Variants in RBMS3 observed in about 807,000 individuals in gnomAD.
RBMS3 encodes RNA binding motif single stranded interacting protein 3.
RBMS3 carries 27 observed loss-of-function variants against 66.8 expected under a neutral mutation model. The ratio of observed to expected loss-of-function variants is 0.40; its 90% confidence interval spans 0.30 to 0.56. The LOEUF (loss-of-function observed/expected upper bound fraction) is 0.56. RBMS3 is among the 20% of genes least tolerant of loss of function. RBMS3 has a pLI of 0.40. For missense variants in RBMS3, 513 were observed against 549.5 expected (o/e 0.93, Z 0.66); for synonymous variants, 188 against 183.0 (o/e 1.03, Z -0.22).
At chr3:29,533,285 G>A (rs1275960864) in intron 3 of RBMS3, among the ~76,000 whole-genome samples, 1 of 152,012 alleles carries the variant, frequency 6.6e-6, no homozygotes, top group African/African-American at 2.4e-5. Flanking sequence ...TGAGACCAGT[G>A]TGGGCAACAT....
intron 6 of RBMS3, among the ~76,000 whole-genome samples, chr3:29,790,298 T>C (rs1436386305): frequency 6.6e-6 from 1 of 152,192 alleles, no homozygotes. Flanking sequence ...AGGTTAAATC[T>C]CATATTTAGC....
intron 14 of RBMS3, among the ~76,000 whole-genome samples, chr3:29,999,607 A>G (rs538952101): frequency 0.016 from 2,447 of 152,302 alleles, 35 homozygotes; most frequent in African/African-American, 0.032. Context: ...TGTCCTTTGT[A>G]GGGACATGGA....
intron 4 of RBMS3, among the ~76,000 whole-genome samples, chr3:29,646,748 A>T (rs375456358): frequency 1.4e-5 from 2 of 144,096 alleles, no homozygotes; most frequent in African/African-American, 5.2e-5. Context: ...TATTCCTGCG[A>T]TTCTGTCTTG....
At chr3:29,473,846 A>G (rs1180044602) in intron 2 of RBMS3, among the ~76,000 whole-genome samples, 5 of 152,322 alleles carry the variant, frequency 3.3e-5, no homozygotes, top group African/African-American at 1.2e-4. Context: ...CTGTCCCGCA[A>G]GCGCCGCGCG....
intron 1 of RBMS3, among the ~76,000 whole-genome samples, chr3:29,364,683 C>T (rs1189091210): frequency 1.3e-5 from 2 of 152,222 alleles, no homozygotes; most frequent in Admixed American, 6.6e-5. Flanking sequence ...AGCCCAATCT[C>T]GGCAGCCTTA....
At chr3:29,469,520 A>C (rs1406000798) in intron 2 of RBMS3, among the ~76,000 whole-genome samples, 1 of 151,996 alleles carries the variant, frequency 6.6e-6, no homozygotes, top group East Asian at 1.9e-4. Flanking sequence ...GGACTCTATA[A>C]ACCATTGAAA....
At chr3:29,877,975 T>G (rs921883528) in intron 7 of RBMS3, among the ~76,000 whole-genome samples, 3 of 152,104 alleles carry the variant, frequency 2.0e-5, no homozygotes, top group African/African-American at 4.8e-5. Flanking sequence ...ATTCTTGGCA[T>G]TAGGAACTGG....
intron 6 of RBMS3, among the ~76,000 whole-genome samples, chr3:29,808,221 A>G (rs962732167): frequency 2.6e-5 from 4 of 151,910 alleles, no homozygotes; most frequent in African/African-American, 7.2e-5. Context: ...TCGTATTTCA[A>G]TACCTCTGTA....
At chr3:29,620,966 T>C (rs1375465658) in intron 4 of RBMS3, among the ~76,000 whole-genome samples, 1 of 152,158 alleles carries the variant, frequency 6.6e-6, no homozygotes, top group Non-Finnish European at 1.5e-5. Flanking sequence ...TCTGAACATA[T>C]CTATTAAGAC....
At chr3:29,507,801 G>A (rs530742021) in intron 3 of RBMS3, among the ~76,000 whole-genome samples, 1 of 151,988 alleles carries the variant, frequency 6.6e-6, no homozygotes, top group East Asian at 1.9e-4. Context: ...CATTTAGAAG[G>A]CAAAGGTCTA....
intron 1 of RBMS3, among the ~76,000 whole-genome samples, chr3:29,326,943 G>T (rs896765434): frequency 2.0e-5 from 3 of 152,204 alleles, no homozygotes; most frequent in Non-Finnish European, 4.4e-5. Flanking sequence ...TGTTGGCCAG[G>T]ATGGTCTCGA....
chr3:29,783,458 A>G (rs1397473395), intron 6 of RBMS3, among the ~76,000 whole-genome samples: 1 of 152,118 alleles, frequency 6.6e-6, no homozygotes, highest in Non-Finnish European at 1.5e-5. Context: ...TAAGCTTTGT[A>G]AATGAAAGAT....
intron 7 of RBMS3, among the ~76,000 whole-genome samples, chr3:29,875,163 G>A (rs981725612): frequency 2.0e-5 from 3 of 152,154 alleles, no homozygotes; most frequent in African/African-American, 7.2e-5. Flanking sequence ...GGAGATTTCT[G>A]GAGTTGTTGG....
At chr3:29,665,440 C>T (rs545217965) in intron 4 of RBMS3, among the ~76,000 whole-genome samples, 1 of 152,158 alleles carries the variant, frequency 6.6e-6, no homozygotes. Context: ...CACCAAATAA[C>T]TATTTCAATA....
At chr3:29,986,180 A>G (rs1016154476) in intron 12 of RBMS3, among the ~76,000 whole-genome samples, 1 of 152,124 alleles carries the variant, frequency 6.6e-6, no homozygotes. Context: ...AGGGCAGAAC[A>G]TGAGCCACAA....
chr3:29,647,226 G>C (rs2049956139), intron 4 of RBMS3, among the ~76,000 whole-genome samples: 1 of 152,164 alleles, frequency 6.6e-6, no homozygotes, highest in Admixed American at 6.5e-5. Flanking sequence ...TGATCCGCCT[G>C]CCTCGGCCAC....
At chr3:29,629,145 T>A (rs897752523) in intron 4 of RBMS3, among the ~76,000 whole-genome samples, 3 of 152,146 alleles carry the variant, frequency 2.0e-5, no homozygotes, top group Non-Finnish European at 4.4e-5. Context: ...AAAATGTGCA[T>A]TTTAGAATTG....
intron 4 of RBMS3, among the ~76,000 whole-genome samples, chr3:29,618,956 G>T (rs550846361): frequency 3.9e-5 from 6 of 152,164 alleles, no homozygotes; most frequent in Non-Finnish European, 1.5e-5. Context: ...GGTAGGGAAA[G>T]AATTATTCAG....
intron 1 of RBMS3, among the ~76,000 whole-genome samples, chr3:29,353,635 T>C (rs1405120898): frequency 6.6e-6 from 1 of 152,034 alleles, no homozygotes; most frequent in East Asian, 1.9e-4. Flanking sequence ...CAAATAGAGT[T>C]ATGTATTTTT....
Sources: gnomAD v4.1 joint callset for allele counts (sites outside exome capture counted in the v4.1 genomes callset) on GRCh38, gnomAD v4.1.1 for gene constraint, MANE v1.5 for transcripts, NCBI Gene and HGNC (gene_info 2026-07-23, HGNC 2026-07-21) for gene names.